BTBD19: variants seen among roughly 807,000 people sequenced by gnomAD.
The protein encoded by BTBD19 is BTB domain containing 19.
A neutral mutation model predicts 36.1 loss-of-function variants in BTBD19; 20 were observed. The observed-to-expected ratio is 0.55, with a 90% confidence interval of 0.39 to 0.80. The LOEUF is 0.80. Ranked by LOEUF, BTBD19 falls within the 30% of genes least tolerant of loss-of-function variation. The pLI is 0.00. For synonymous variants in BTBD19, 157 were observed against 174.3 expected (o/e 0.90, Z 0.78); for missense variants, 325 against 389.8 (o/e 0.83, Z 1.40).
chr1:44,811,420 A>G (rs1652408928), intron 3 of BTBD19, among the ~76,000 whole-genome samples: 1 of 152,294 alleles, frequency 6.6e-6, no homozygotes, highest in Admixed American at 6.5e-5. Flanking sequence ...CAGAGGCACC[A>G]AAGGAGCTAG....
rs1291314383 is a variant in BTBD19, at chr1:44,810,135, G to C, written c.87-78G>C. 6 of 1,290,310 alleles carry C rather than the reference G, an allele frequency of 4.7e-6. No homozygotes were observed. Among genetic ancestry groups the C allele is most frequent in the Non-Finnish European group, 6.5e-6 (6 of 919,034 alleles). The allele number at this position is 1,290,310 out of a possible 1,614,324, so 79.9% of individuals were successfully genotyped here. On this transcript the variant is annotated intron_variant, in intron 1 of 7. Coordinates refer to ENST00000450269, the Ensembl canonical transcript of BTBD19. This position sits in a 1 kb window ranked among gnomAD's most constrained non-coding sequence, Gnocchi z 4.2. ...ATTCTGGTTAGGAAACTAAGACCCAGAGTGGGCAAAGGCACAGCCCAAGTT... is the reference window on the plus strand; with the variant it reads ...ATTCTGGTTAGGAAACTAAGACCCACAGTGGGCAAAGGCACAGCCCAAGTT...
intron 4 of BTBD19, chr1:44,812,318 G>A (rs1287694855): frequency 4.4e-6 from 2 of 455,464 alleles, no homozygotes; most frequent in Non-Finnish European, 8.9e-6. Flanking sequence ...AGGTGTTGAA[G>A]GGGCTGGAGG....
At chr1:44,814,202 C>CTTTCTTTCTT (rs1238103712), downstream of BTBD19, 229 of 143,238 alleles carry the variant, frequency 1.6e-3, 1 homozygote, top group Admixed American at 2.5e-3. Context: ...TTCTTTCTTT[C>CTTTCTTTCTT]TTTCTTTCTT....
At chr1:44,814,018 C>A (rs1337902623) in exon 8 of BTBD19, 1 of 607,312 alleles carries the variant, frequency 1.6e-6, no homozygotes, top group African/African-American at 1.9e-5. Flanking sequence ...AACTCGAAAA[C>A]GAGGATTTCC....
chr1:44,814,553 C>CT (rs71674935), downstream of BTBD19: 16,542 of 122,338 alleles, frequency 0.14, 1,576 homozygotes, highest in East Asian at 0.17. Flanking sequence ...CCGCCTCGGC[C>CT]TTTTTTTTTT....
Position 44,813,213 on chromosome 1 carries a change from T to C in BTBD19, c.559T>C (p.Cys187Arg), listed in dbSNP as rs1414396203. The change falls in exon 6 of 8, where the codon TGC becomes CGC. Residue 187 changes from cysteine to arginine, a missense_variant. Cys to Arg is a radical substitution (Grantham distance 180). Coordinates refer to ENST00000450269, the Ensembl canonical transcript of BTBD19. The surrounding 1 kb of genome is among the most constrained non-coding windows in gnomAD (Gnocchi z 7.8). ...GCCCCTGCTCCGCAGCGACAAGCTC[T>C]GCGTGGACGAGGCTGAACTGGTCCG... 1 of 1,544,594 alleles carries C rather than the reference T, an allele frequency of 6.5e-7. No individual in the cohort carries two copies. Among genetic ancestry groups the C allele is most frequent in the East Asian group, 2.5e-5 (1 of 40,810 alleles).
rs1395843019 is a variant in BTBD19, at chr1:44,810,410, A to T, written c.284A>T (p.Lys95Met). Residue 95 changes from lysine (K) to methionine (M), a missense_variant, in exon 2 of 8, where the codon AAG becomes ATG. Transcript: ENST00000450269. This position sits in a 1 kb window ranked among gnomAD's most constrained non-coding sequence, Gnocchi z 4.2. ...GAGTTCCTATATACCAACAGTGTCA[A>T]GCTGTACCGCCACTCTGTGAGCCTG... 1.2e-5 allele frequency: 19 copies of T among 1,551,230 alleles called. No homozygotes were observed. The highest frequency in any genetic ancestry group is 1.7e-5 in the Non-Finnish European group (19 of 1,146,740).
downstream of BTBD19, chr1:44,814,158 CTTTCTTTCTTTCTTTCTT>C: frequency 8.2e-6 from 1 of 121,602 alleles, no homozygotes. Context: ...CTCTTTCTTT[CTTTCTTTCTTTCTTTCTT>C]TCTTTCTTTC....
rs1240447401 is a variant in BTBD19, at chr1:44,810,858, C to T, written c.354+251C>T. The T allele has an allele frequency of 5.9e-6, 2 of 341,086 alleles. No individual in the cohort carries two copies. Among genetic ancestry groups the T allele is most frequent in the Non-Finnish European group, 1.2e-5 (2 of 172,988 alleles). 21.1% of individuals were successfully genotyped at this position (341,086 alleles called of 1,614,324 possible). The stretch of plus-strand genomic sequence containing the variant: ...GTGCTGTAGATACAAAGATATCAGC[C>T]TTGATCCGTGTTCTCCAGAGAGGGA... On this transcript the variant is annotated intron_variant, in intron 3 of 7. Coordinates refer to ENST00000450269, the Ensembl canonical transcript of BTBD19. This position sits in a 1 kb window ranked among gnomAD's most constrained non-coding sequence, Gnocchi z 4.2.
Position 44,810,707 on chromosome 1 carries a change from GC to G in BTBD19, c.354+103del. On this transcript the variant is annotated intron_variant, in intron 3 of 7. Coordinates refer to ENST00000450269, the Ensembl canonical transcript of BTBD19. The surrounding 1 kb of genome is among the most constrained non-coding windows in gnomAD (Gnocchi z 4.2). ...CACTCTGGCCTGGAGAGGAACGTGTGCCCACACAGAGAGAAGTATGTATATC... is the reference window on the plus strand; with the variant it reads ...CACTCTGGCCTGGAGAGGAACGTGTGCCACACAGAGAGAAGTATGTATATC... 8.4e-7 allele frequency: 1 copy of G among 1,197,484 alleles called. No homozygotes were observed. Among genetic ancestry groups the G allele is most frequent in the Non-Finnish European group, 1.1e-6 (1 of 879,306 alleles). 74.2% of individuals were successfully genotyped at this position (1,197,484 alleles called of 1,614,324 possible). A position where few individuals can be genotyped will look rare whatever the true frequency, so the allele number is the denominator to read the frequency against.
At position 44,813,564 on chromosome 1, in the gene BTBD19, G is replaced by T; in HGVS notation, c.741+65G>T. Reference sequence around the variant, plus strand: ...GGGTACAGGGCGCTGGGAGGGGGCAGGAGCAGCCCGGCCCACGGTCCTCGG... The same window carrying T: ...GGGTACAGGGCGCTGGGAGGGGGCATGAGCAGCCCGGCCCACGGTCCTCGG... On this transcript the variant is annotated intron_variant, in intron 7 of 7. Coordinates refer to ENST00000450269, the Ensembl canonical transcript of BTBD19. This position sits in a 1 kb window ranked among gnomAD's most constrained non-coding sequence, Gnocchi z 7.8. 1 of 1,534,918 alleles carries T rather than the reference G, an allele frequency of 6.5e-7. No homozygotes were observed. Among genetic ancestry groups the T allele is most frequent in the Non-Finnish European group, 8.8e-7 (1 of 1,136,392 alleles).
intron 3 of BTBD19, among the ~76,000 whole-genome samples, chr1:44,811,352 CTGG>C (rs1652405886): frequency 6.6e-6 from 1 of 152,068 alleles, no homozygotes; most frequent in Non-Finnish European, 1.5e-5. Context: ...TGTGTTCGAT[CTGG>C]TAGAACAAAT....
chr1:44,815,133 G>C (rs1166939721), downstream of BTBD19: 1 of 152,170 alleles, frequency 6.6e-6, no homozygotes, highest in African/African-American at 2.4e-5. Context: ...AACCTGTCCT[G>C]TCTGACACGT....
chr1:44,810,095 A>G lies in BTBD19; in HGVS notation c.87-118A>G, dbSNP rs1471391648. 3 of 903,730 alleles carry G rather than the reference A, an allele frequency of 3.3e-6. No homozygotes were observed. Among genetic ancestry groups the G allele is most frequent in the Non-Finnish European group, 5.1e-6 (3 of 584,672 alleles). 56.0% of individuals were successfully genotyped at this position (903,730 alleles called of 1,614,324 possible). ...CCCAGACCTTCTGCTGGAGGGACGA[A>G]GCCCTGTCTCTTACATTCTGGTTAG... is the stretch of plus-strand genomic sequence containing the variant. On this transcript the variant is annotated intron_variant, in intron 1 of 7. Transcript: ENST00000450269. This position sits in a 1 kb window ranked among gnomAD's most constrained non-coding sequence, Gnocchi z 4.2.
intron 3 of BTBD19, among the ~76,000 whole-genome samples, chr1:44,811,438 T>A (rs556742099): frequency 6.6e-6 from 1 of 152,160 alleles, no homozygotes; most frequent in African/African-American, 2.4e-5. Flanking sequence ...TAGTGAGACA[T>A]TTGGTGTGTC....
Position 44,813,880 on chromosome 1 carries a change from G to A in BTBD19, c.*108G>A. 1 of 1,468,486 alleles carries A rather than the reference G, an allele frequency of 6.8e-7. No homozygotes were observed. The highest frequency in any genetic ancestry group is 1.2e-5 in the South Asian group (1 of 80,316). The allele number at this position is 1,468,486 out of a possible 1,614,324, so 91.0% of individuals were successfully genotyped here. A position where few individuals can be genotyped will look rare whatever the true frequency, so the allele number is the denominator to read the frequency against. On this transcript the variant is annotated 3_prime_UTR_variant, in exon 8 of 8. Coordinates refer to ENST00000450269, the Ensembl canonical transcript of BTBD19. This position sits in a 1 kb window ranked among gnomAD's most constrained non-coding sequence, Gnocchi z 7.8. ...CGGAGCGGGCTTCCGTTCCCAGCGT[G>A]CCCAGTGAGCCGGGCGCCGGAAGAA...
At chr1:44,811,790 T>C in intron 3 of BTBD19, 1 of 311,296 alleles carries the variant, frequency 3.2e-6, no homozygotes, top group South Asian at 2.6e-5. Context: ...TGCATGGCCT[T>C]TATCTGGTTT....
intron 3 of BTBD19, among the ~76,000 whole-genome samples, chr1:44,811,366 A>G (rs1023390124): frequency 6.6e-6 from 1 of 152,160 alleles, no homozygotes; most frequent in Non-Finnish European, 1.5e-5. Context: ...TAGAACAAAT[A>G]GGATTTTGTT....
intron 1 of BTBD19, among the ~76,000 whole-genome samples, chr1:44,809,642 C>T (rs1324510478): frequency 6.6e-6 from 1 of 152,226 alleles, no homozygotes; most frequent in Non-Finnish European, 1.5e-5. Flanking sequence ...TATCCCCTGC[C>T]TTGTTCAGAG....
Sources: gnomAD v4.1 joint callset for allele counts (sites outside exome capture counted in the v4.1 genomes callset) on GRCh38, gnomAD v4.1.1 for gene constraint, Gnocchi (gnomAD v3.1) non-coding constraint, MANE v1.5 for transcripts, NCBI Gene and HGNC (gene_info 2026-07-23, HGNC 2026-07-21) for gene names.